Variants in HERC4 observed in about 807,000 individuals in gnomAD.
The protein encoded by HERC4 is probable E3 ubiquitin-protein ligase HERC4.
In HERC4, 28 loss-of-function variants were observed where a neutral mutation model predicts 124.3. The ratio of observed to expected loss-of-function variants is 0.23; its 90% CI spans 0.17 to 0.31. The LOEUF (loss-of-function observed/expected upper bound fraction) is 0.31. Ranked by LOEUF, HERC4 falls within the 10% of genes least tolerant of loss-of-function variation. The pLI, the probability that HERC4 is intolerant of heterozygous loss-of-function variation, is 1.00. For synonymous variants in HERC4, 407 were observed against 421.5 expected (o/e 0.97, Z 0.42); for missense variants, 713 against 1,229.3 (o/e 0.58, Z 6.28).
chr10:67,965,776 C>T (rs1197907475), intron 16 of HERC4: 1 of 152,230 alleles, frequency 6.6e-6, no homozygotes, highest in East Asian at 1.9e-4. Context: ...TATTATATAA[C>T]TGCTGCACAC....
intron 4 of HERC4, among the ~76,000 whole-genome samples, chr10:68,039,069 A>C (rs2039624212): frequency 6.6e-6 from 1 of 151,638 alleles, no homozygotes; most frequent in African/African-American, 2.4e-5. Flanking sequence ...TTTGGAGACC[A>C]AGGTAGGCGG....
intron 15 of HERC4, among the ~76,000 whole-genome samples, chr10:67,967,763 T>C (rs533210921): frequency 6.6e-6 from 1 of 152,278 alleles, no homozygotes; most frequent in African/African-American, 2.4e-5. Flanking sequence ...TCAAGTCTCC[T>C]AATCTAAATT....
chr10:68,065,172 A>G (rs947235417), intron 3 of HERC4, among the ~76,000 whole-genome samples: 2 of 152,192 alleles, frequency 1.3e-5, no homozygotes, highest in African/African-American at 4.8e-5. Flanking sequence ...ATATGAATAT[A>G]GAAAAGGTCT....
chr10:68,056,918 GA>G (rs2040577773), intron 3 of HERC4, among the ~76,000 whole-genome samples: 1 of 152,146 alleles, frequency 6.6e-6, no homozygotes, highest in African/African-American at 2.4e-5. Flanking sequence ...TACGGGAAAG[GA>G]AAAGATCCTA....
chr10:67,944,962 C>T (rs186292915), intron 19 of HERC4, among the ~76,000 whole-genome samples: 27 of 152,188 alleles, frequency 1.8e-4, no homozygotes, highest in African/African-American at 5.5e-4. Context: ...TCTAGAGAAT[C>T]GCCTCAAAAG....
intron 9 of HERC4, chr10:67,996,106 G>C (rs1295408489): frequency 6.8e-6 from 3 of 443,384 alleles, no homozygotes; most frequent in Non-Finnish European, 1.4e-5. Context: ...AGGAGTTCAA[G>C]ACCAGCCTGG....
intron 15 of HERC4, chr10:67,988,121 G>A (rs1256706388): frequency 6.6e-6 from 1 of 152,080 alleles, no homozygotes; most frequent in African/African-American, 2.4e-5. Flanking sequence ...ACTGCTACAA[G>A]TGTAAAGGGT....
chr10:68,058,775 AAT>A (rs2040681202), intron 3 of HERC4, among the ~76,000 whole-genome samples: 1 of 152,124 alleles, frequency 6.6e-6, no homozygotes, highest in African/African-American at 2.4e-5. Context: ...AAGGTTAAGC[AAT>A]GTGACCAAGA....
chr10:68,063,292 C>T (rs1479427180), intron 3 of HERC4, among the ~76,000 whole-genome samples: 1 of 152,112 alleles, frequency 6.6e-6, no homozygotes, highest in East Asian at 1.9e-4. Context: ...TCACTGCTAC[C>T]TCTGCCTCCT....
At chr10:67,993,863 C>T (rs497849) in intron 9 of HERC4, 21,622 of 152,182 alleles carry the variant, frequency 0.14, 2,061 homozygotes, top group Non-Finnish European at 0.22. Flanking sequence ...CCCTGTTATC[C>T]TATTCCCATT....
chr10:68,071,022 C>A (rs544769106), intron 3 of HERC4, among the ~76,000 whole-genome samples: 1 of 152,328 alleles, frequency 6.6e-6, no homozygotes, highest in Non-Finnish European at 1.5e-5. Context: ...TAACTCCCAA[C>A]CCAGACTCTA....
intron 9 of HERC4, among the ~76,000 whole-genome samples, chr10:68,005,176 CTT>C (rs1218280581): frequency 6.6e-6 from 1 of 152,130 alleles, no homozygotes; most frequent in Non-Finnish European, 1.5e-5. Flanking sequence ...GGGTCTGTCT[CTT>C]GTTAGCTCTA....
intron 15 of HERC4, among the ~76,000 whole-genome samples, chr10:67,977,099 C>A (rs1475412454): frequency 6.6e-6 from 1 of 152,182 alleles, no homozygotes; most frequent in Non-Finnish European, 1.5e-5. Context: ...TGGCACTACC[C>A]CTCCTTTAAC....
At position 68,039,651 on chromosome 10, in the gene HERC4, G is replaced by C. The variant is rs2039661725; in HGVS notation, c.387-1482C>G. ...ATCCAACAAATTAGCAGGATCCAAT[G>C]CACCTTCAAATTTTCAAACTCAACA... On this transcript the variant is annotated intron_variant, in intron 4 of 24. Coordinates refer to ENST00000373700, the MANE Select transcript of HERC4 (RefSeq NM_015601.4). 3 of 1,351,200 alleles carry C rather than the reference G, an allele frequency of 2.2e-6. No individual in the cohort carries two copies. In the Admixed American group the frequency reaches 8.9e-5, roughly 40 times the overall value. The allele number at this position is 1,351,200 out of a possible 1,614,324, so 83.7% of individuals were successfully genotyped here.
At chr10:67,959,425 G>A (rs1406747327) in intron 16 of HERC4, among the ~76,000 whole-genome samples, 1 of 151,686 alleles carries the variant, frequency 6.6e-6, no homozygotes, top group Non-Finnish European at 1.5e-5. Context: ...CAGAATTTAG[G>A]CAGAATAAGA....
At chr10:68,010,517 C>T (rs1055517909) in intron 9 of HERC4, 9 of 952,486 alleles carry the variant, frequency 9.4e-6, no homozygotes, top group Non-Finnish European at 1.5e-5. Context: ...TGTGACTGAT[C>T]TGCTGCAGTG....
intron 15 of HERC4, among the ~76,000 whole-genome samples, chr10:67,974,045 CA>C (rs11406155): frequency 0.031 from 1,211 of 38,478 alleles, 23 homozygotes; most frequent in Middle Eastern, 0.079. Context: ...GACTCTGTCT[CA>C]AAAAAAAAAA....
chr10:67,985,354 A>C (rs2036199435), intron 15 of HERC4, among the ~76,000 whole-genome samples: 1 of 152,242 alleles, frequency 6.6e-6, no homozygotes, highest in South Asian at 2.1e-4. Context: ...TTTAAAAAGA[A>C]GTCACACGGT....
At position 67,995,336 on chromosome 10, in the gene HERC4, G is replaced by C. The variant is rs1409933030; in HGVS notation, c.1070-2654C>G. 3 of 391,250 alleles carry C rather than the reference G, an allele frequency of 7.7e-6. No homozygotes were observed. The African/African-American group carries it at 9.3e-5, about 12-fold the overall frequency. 24.2% of individuals were successfully genotyped at this position (391,250 alleles called of 1,614,324 possible). On this transcript the variant is annotated intron_variant, in intron 9 of 24. Coordinates refer to ENST00000373700, the MANE Select transcript of HERC4 (RefSeq NM_015601.4). Reference sequence around the variant, plus strand: ...AGTGTTAGCATTACTTCATATTGTAGCTGAAGCATTAGTTTCTCCCTATTA... The same window carrying C: ...AGTGTTAGCATTACTTCATATTGTACCTGAAGCATTAGTTTCTCCCTATTA...
Sources: allele counts gnomAD v4.1 joint callset (sites outside exome capture counted in the v4.1 genomes callset), GRCh38; gene constraint gnomAD v4.1.1; transcripts MANE v1.5; gene names NCBI Gene and HGNC (gene_info 2026-07-23, HGNC 2026-07-21).